Variants in OR4C15 observed in about 807,000 individuals in gnomAD.
OR4C15 encodes olfactory receptor 4C15.
For missense variants in OR4C15, 697 were observed against 377.5 expected, an observed-to-expected ratio of 1.85 and a Z score of -7.01; for synonymous variants, 216 against 134.0, an observed-to-expected ratio of 1.61 and a Z score of -4.22.
Position 55,554,752 on chromosome 11 carries a change from G to C in OR4C15, c.284G>C (p.Gly95Ala), listed in dbSNP as rs1158239409. 1.2e-6 allele frequency: 2 copies of C among 1,613,750 alleles called. No homozygotes were observed. Among genetic ancestry groups the C allele is most frequent in the African/African-American group, 1.3e-5 (1 of 74,880 alleles). Reference sequence around the variant, plus strand: ...GTGACAAAAACCATCTCTTTTGAAGGCTGCATGATGCAGCTCTTTGCTGAA... The same window carrying C: ...GTGACAAAAACCATCTCTTTTGAAGCCTGCATGATGCAGCTCTTTGCTGAA... ...LYVTKTISFE[G>A]CMMQLFAEHF... The change falls in exon 1 of 1, where the codon GGC becomes GCC. Residue 95 changes from glycine (G) to alanine (A), a missense_variant. Transcript: ENST00000642128.
At position 55,554,563 on chromosome 11, in the gene OR4C15, T is replaced by C. The variant is rs1427580261; in HGVS notation, c.95T>C (p.Val32Ala). The C allele has an allele frequency of 1.9e-6, 3 of 1,613,924 alleles. No individual in the cohort carries two copies. The highest frequency in any genetic ancestry group is 1.7e-6 in the Non-Finnish European group (2 of 1,179,972). ...ATAGTATTTGTTGTATTTTTGTTTG[T>C]CTACATTGCAACTGTTGGGGGCAAC... ...QEIVFVVFLF[V>A]YIATVGGNML... Residue 32 changes from valine (V) to alanine (A), a missense_variant, in exon 1 of 1, where the codon GTC (valine) becomes GCC (alanine). Physicochemically the swap from Val to Ala is moderately conservative, Grantham distance 64 (BLOSUM62 0). Coordinates refer to ENST00000642128, the MANE Select transcript of OR4C15 (RefSeq NM_001001920.3).
chr11:55,554,664 T>C lies in OR4C15; in HGVS notation c.196T>C (p.Ser66Pro), dbSNP rs192676304. 1.8e-4 allele frequency: 292 copies of C among 1,613,498 alleles called. 1 individual carries two copies. In the East Asian group the frequency reaches 6.2e-3, roughly 34 times the overall value. ...SPMYFFLGFL[S>P]FLDACFSSVI... ...TATGTACTTCTTCTTGGGCTTCCTG[T>C]CCTTCCTGGATGCGTGCTTCTCATC... Residue 66 changes from serine to proline, a missense_variant, in exon 1 of 1, where the codon TCC becomes CCC. By Grantham distance (74) the Ser-to-Pro change is moderately conservative. Coordinates refer to ENST00000642128, the MANE Select transcript of OR4C15 (RefSeq NM_001001920.3).
In OR4C15 at chr11:55,555,021, G is replaced by A. The variant is rs755781715; in HGVS notation, c.553G>A (p.Glu185Lys). 3.1e-6 allele frequency: 5 copies of A among 1,613,584 alleles called. No homozygotes were observed. The highest frequency in any genetic ancestry group is 1.6e-4 in the Middle Eastern group (1 of 6,082). The change falls in exon 1 of 1, where the codon GAG (glutamate) becomes AAG (lysine). Residue 185 changes from glutamate (E) to lysine (K), a missense_variant. By Grantham distance (56) the Glu-to-Lys change is moderately conservative. Coordinates refer to ENST00000642128, the MANE Select transcript of OR4C15 (RefSeq NM_001001920.3). ...TATGTGTGACTTGTACCCGTTACTG[G>A]AGCTTGCCTGCACTGATACTCACAT... ...HFMCDLYPLL[E>K]LACTDTHIFG...
chr11:55,555,299 A>C lies in OR4C15; in HGVS notation c.831A>C (p.Leu277Phe). Residue 277 changes from leucine (L) to phenylalanine (F), a missense_variant, in exon 1 of 1, where the codon TTA (leucine) becomes TTC (phenylalanine). Coordinates refer to ENST00000642128, the MANE Select transcript of OR4C15 (RefSeq NM_001001920.3). ...DKMAAIFYII[L>F]NPLLNPLIYT... ...TGGCGGCAATATTTTATATCATCTT[A>C]AATCCCTTGCTCAATCCTTTGATTT... 6.2e-7 allele frequency: 1 copy of C among 1,613,870 alleles called. No homozygotes were observed. The highest frequency in any genetic ancestry group is 8.5e-7 in the Non-Finnish European group (1 of 1,179,896).
In OR4C15 at chr11:55,555,334, G is replaced by C. The variant is rs763417194; in HGVS notation, c.866G>C (p.Arg289Thr). ...PLLNPLIYTFRNKEVKQAMRR... is the reference protein window; with the variant it reads ...PLLNPLIYTFTNKEVKQAMRR... ...CTCAATCCTTTGATTTACACTTTCA[G>C]GAATAAGGAAGTAAAACAGGCCATG... Residue 289 changes from arginine to threonine, a missense_variant, in exon 1 of 1, where the codon AGG becomes ACG. By Grantham distance (71) the Arg-to-Thr change is moderately conservative. Transcript: ENST00000642128. 6.2e-7 allele frequency: 1 copy of C among 1,613,522 alleles called. No individual in the cohort carries two copies. The highest frequency in any genetic ancestry group is 8.5e-7 in the Non-Finnish European group (1 of 1,179,754).
Position 55,554,928 on chromosome 11 carries a change from C to A in OR4C15, c.460C>A (p.His154Asn), listed in dbSNP as rs760005853. 6.2e-7 allele frequency: 1 copy of A among 1,613,966 alleles called. No homozygotes were observed. Residue 154 changes from histidine (H) to asparagine (N), a missense_variant, in exon 1 of 1, where the codon CAT becomes AAT. Transcript: ENST00000642128. ...MGVAWTGGLL[H>N]SMIQILFTFQ... ...GGTAGCCTGGACAGGGGGCCTCTTG[C>A]ATTCCATGATACAAATTCTTTTTAC...
Position 55,555,354 on chromosome 11 carries a change from G to T in OR4C15, c.886G>T (p.Ala296Ser), listed in dbSNP as rs755972317. 4 of 1,613,530 alleles carry T rather than the reference G, an allele frequency of 2.5e-6. No homozygotes were observed. The highest frequency in any genetic ancestry group is 2.2e-5 in the South Asian group (2 of 91,056). Residue 296 changes from alanine (A) to serine (S), a missense_variant, in exon 1 of 1, where the codon GCC (alanine) becomes TCC (serine). By Grantham distance (99) the Ala-to-Ser change is moderately conservative. Transcript: ENST00000642128. The part of the protein sequence containing the change: ...YTFRNKEVKQ[A>S]MRRIWNRLMV... ...TTTCAGGAATAAGGAAGTAAAACAGGCCATGAGGAGAATATGGAACAGACT... is the reference window on the plus strand; with the variant it reads ...TTTCAGGAATAAGGAAGTAAAACAGTCCATGAGGAGAATATGGAACAGACT...
At position 55,555,142 on chromosome 11, in the gene OR4C15, G is replaced by C. The variant is rs763560653; in HGVS notation, c.674G>C (p.Arg225Thr). Reference protein sequence around the residue: ...VSYAVILLSLRTHSSEGRWKA... With the variant: ...VSYAVILLSLTTHSSEGRWKA... ...TATGCTGTCATCTTGCTCTCTCTGA[G>C]AACACACAGTTCTGAAGGGCGCTGG... Residue 225 changes from arginine (R) to threonine (T), a missense_variant, in exon 1 of 1, where the codon AGA becomes ACA. Transcript: ENST00000642128. 6.2e-7 allele frequency: 1 copy of C among 1,605,386 alleles called. No homozygotes were observed.
Position 55,554,548 on chromosome 11 carries a change from T to A in OR4C15, c.80T>A (p.Val27Asp). ...QNPNVQEIVF[V>D]VFLFVYIATV... ...CCAAATGTTCAGGAAATAGTATTTG[T>A]TGTATTTTTGTTTGTCTACATTGCA... Residue 27 changes from valine to aspartate, a missense_variant, in exon 1 of 1, where the codon GTT becomes GAT. Val to Asp is a radical substitution (Grantham distance 152). Coordinates refer to ENST00000642128, the MANE Select transcript of OR4C15 (RefSeq NM_001001920.3). 1 of 1,614,020 alleles carries A rather than the reference T, an allele frequency of 6.2e-7. No homozygotes were observed. The highest frequency in any genetic ancestry group is 8.5e-7 in the Non-Finnish European group (1 of 1,179,952).
In OR4C15 at chr11:55,554,904, G is replaced by A. The variant is rs1476207287; in HGVS notation, c.436G>A (p.Val146Ile). The A allele has an allele frequency of 1.2e-6, 2 of 1,613,864 alleles. No individual in the cohort carries two copies. The highest frequency in any genetic ancestry group is 4.5e-5 in the East Asian group (2 of 44,882). ...GAGGCTCTGTGGCATTCTGATGGGG[G>A]TAGCCTGGACAGGGGGCCTCTTGCA... ...NRRLCGILMG[V>I]AWTGGLLHSM... is the part of the protein sequence containing the mutation. The change falls in exon 1 of 1, where the codon GTA becomes ATA. Residue 146 changes from valine (V) to isoleucine (I), a missense_variant. Coordinates refer to ENST00000642128, the MANE Select transcript of OR4C15 (RefSeq NM_001001920.3).
At position 55,554,538 on chromosome 11, in the gene OR4C15, A is replaced by G; in HGVS notation, c.70A>G (p.Ile24Val). The G allele has an allele frequency of 6.2e-7, 1 of 1,613,962 alleles. No individual in the cohort carries two copies. The highest frequency in any genetic ancestry group is 1.1e-5 in the South Asian group (1 of 91,076). ...GLSQNPNVQE[I>V]VFVVFLFVYI... is the part of the protein sequence containing the mutation. ...TTCACAGAATCCAAATGTTCAGGAA[A>G]TAGTATTTGTTGTATTTTTGTTTGT... is the stretch of plus-strand genomic sequence containing the variant. The change falls in exon 1 of 1, where the codon ATA becomes GTA. Residue 24 changes from isoleucine (I) to valine (V), a missense_variant. Physicochemically the swap from Ile to Val is conservative, Grantham distance 29. Transcript: ENST00000642128.
Position 55,554,482 on chromosome 11 carries a change from G to A in OR4C15, c.14G>A (p.Ser5Asn). 6.2e-7 allele frequency: 1 copy of A among 1,613,910 alleles called. No homozygotes were observed. The highest frequency in any genetic ancestry group is 8.5e-7 in the Non-Finnish European group (1 of 1,179,900). Residue 5 changes from serine to asparagine, a missense_variant, in exon 1 of 1, where the codon AGC (serine) becomes AAC (asparagine). Ser to Asn is a conservative substitution (Grantham distance 46). Coordinates refer to ENST00000642128, the MANE Select transcript of OR4C15 (RefSeq NM_001001920.3). ...TCCTTGGGAAACATGCAAAACCAAA[G>A]CTTTGTAACTGAGTTTGTCCTCCTG... MQNQ[S>N]FVTEFVLLGL... is the part of the protein sequence containing the mutation.
Position 55,555,186 on chromosome 11 carries a change from G to T in OR4C15, c.718G>T (p.Gly240Ter). 1 of 1,613,842 alleles carries T rather than the reference G, an allele frequency of 6.2e-7. No homozygotes were observed. Among genetic ancestry groups the T allele is most frequent in the South Asian group, 1.1e-5 (1 of 91,072 alleles). ...EGRWKALSTC[G>*]SHIAVVILFF... ...GCGCTGGAAAGCTCTCTCCACCTGTGGATCTCACATTGCTGTTGTGATTTT... is the reference window on the plus strand; with the variant it reads ...GCGCTGGAAAGCTCTCTCCACCTGTTGATCTCACATTGCTGTTGTGATTTT... The change falls in exon 1 of 1, where the codon GGA (glycine) becomes TGA (stop). Residue 240 changes from glycine (G) to a stop codon, truncating the protein, a stop_gained. Transcript: ENST00000642128. LOFTEE classifies it low-confidence loss of function (END_TRUNC).
Position 55,554,776 on chromosome 11 carries a change from A to G in OR4C15, c.308A>G (p.Glu103Gly). The G allele has an allele frequency of 6.2e-7, 1 of 1,613,960 alleles. No individual in the cohort carries two copies. Among genetic ancestry groups the G allele is most frequent in the Non-Finnish European group, 8.5e-7 (1 of 1,179,954 alleles). ...FEGCMMQLFA[E>G]HFFAGVEVIV... ...GGCTGCATGATGCAGCTCTTTGCTGAACACTTCTTTGCTGGGGTGGAGGTG... is the reference window on the plus strand; with the variant it reads ...GGCTGCATGATGCAGCTCTTTGCTGGACACTTCTTTGCTGGGGTGGAGGTG... Residue 103 changes from glutamate to glycine, a missense_variant, in exon 1 of 1, where the codon GAA becomes GGA. Coordinates refer to ENST00000642128, the MANE Select transcript of OR4C15 (RefSeq NM_001001920.3).
rs372439898 is a variant in OR4C15, at chr11:55,555,060, G to C, written c.592G>C (p.Val198Leu). ...TGATACTCACATCTTTGGCCTCATG[G>C]TGGTCATCAACAGTGGGTTTATCTG... The part of the protein sequence containing the change: ...CTDTHIFGLM[V>L]VINSGFICII... The change falls in exon 1 of 1, where the codon GTG becomes CTG. Residue 198 changes from valine to leucine, a missense_variant. Physicochemically the swap from Val to Leu is conservative, Grantham distance 32 (BLOSUM62 1). Coordinates refer to ENST00000642128, the MANE Select transcript of OR4C15 (RefSeq NM_001001920.3). 3 of 1,613,856 alleles carry C rather than the reference G, an allele frequency of 1.9e-6. No individual in the cohort carries two copies. In the East Asian group the frequency reaches 6.7e-5, roughly 36 times the overall value.
chr11:55,555,350 A>C lies in OR4C15; in HGVS notation c.882A>C (p.Lys294Asn). The change falls in exon 1 of 1, where the codon AAA (lysine) becomes AAC (asparagine). Residue 294 changes from lysine (K) to asparagine (N), a missense_variant. Coordinates refer to ENST00000642128, the MANE Select transcript of OR4C15 (RefSeq NM_001001920.3). ...LIYTFRNKEVKQAMRRIWNRL... is the reference protein window; with the variant it reads ...LIYTFRNKEVNQAMRRIWNRL... ...ACACTTTCAGGAATAAGGAAGTAAA[A>C]CAGGCCATGAGGAGAATATGGAACA... The C allele has an allele frequency of 6.2e-7, 1 of 1,613,784 alleles. No homozygotes were observed. The highest frequency in any genetic ancestry group is 8.5e-7 in the Non-Finnish European group (1 of 1,179,786).
Position 55,554,497 on chromosome 11 carries a change from T to A in OR4C15, c.29T>A (p.Phe10Tyr), listed in dbSNP as rs781337945. The part of the protein sequence containing the change: MQNQSFVTE[F>Y]VLLGLSQNPN... The stretch of plus-strand genomic sequence containing the variant: ...CAAAACCAAAGCTTTGTAACTGAGT[T>A]TGTCCTCCTGGGACTTTCACAGAAT... Residue 10 changes from phenylalanine to tyrosine, a missense_variant, in exon 1 of 1, where the codon TTT (phenylalanine) becomes TAT (tyrosine). Transcript: ENST00000642128. 6.2e-6 allele frequency: 10 copies of A among 1,613,888 alleles called. No individual in the cohort carries two copies. The East Asian group carries it at 2.2e-4, about 36-fold the overall frequency.
In OR4C15 at chr11:55,555,331, T is replaced by C; in HGVS notation, c.863T>C (p.Phe288Ser). The change falls in exon 1 of 1, where the codon TTC becomes TCC. Residue 288 changes from phenylalanine to serine, a missense_variant. By Grantham distance (155) the Phe-to-Ser change is radical (BLOSUM62 -2). Coordinates refer to ENST00000642128, the MANE Select transcript of OR4C15 (RefSeq NM_001001920.3). ...TTGCTCAATCCTTTGATTTACACTT[T>C]CAGGAATAAGGAAGTAAAACAGGCC... ...NPLLNPLIYT[F>S]RNKEVKQAMR... 2 of 1,613,772 alleles carry C rather than the reference T, an allele frequency of 1.2e-6. No homozygotes were observed. Among genetic ancestry groups the C allele is most frequent in the Non-Finnish European group, 1.7e-6 (2 of 1,179,794 alleles).
Position 55,554,914 on chromosome 11 carries a change from C to T in OR4C15, c.446C>T (p.Thr149Ile). 1 of 1,613,984 alleles carries T rather than the reference C, an allele frequency of 6.2e-7. No homozygotes were observed. The highest frequency in any genetic ancestry group is 8.5e-7 in the Non-Finnish European group (1 of 1,179,954). Residue 149 changes from threonine (T) to isoleucine (I), a missense_variant, in exon 1 of 1, where the codon ACA becomes ATA. Physicochemically the swap from Thr to Ile is moderately conservative, Grantham distance 89. Transcript: ENST00000642128. ...GGCATTCTGATGGGGGTAGCCTGGA[C>T]AGGGGGCCTCTTGCATTCCATGATA... ...LCGILMGVAW[T>I]GGLLHSMIQI... is the part of the protein sequence containing the mutation.
Sources: allele counts gnomAD v4.1 joint callset, GRCh38; gene constraint gnomAD v4.1.1; transcripts MANE v1.5; gene names NCBI Gene and HGNC (gene_info 2026-07-23, HGNC 2026-07-21).